The following EYS variants were observed in gnomAD, a reference collection of about 807,000 sequenced individuals.
The protein encoded by EYS is EGF-like photoreceptor maintenance factor.
A neutral mutation model predicts 282.1 loss-of-function variants in EYS; 250 were observed. The ratio of observed to expected loss-of-function variants is 0.89; its 90% CI spans 0.80 to 0.98. The LOEUF is 0.98. EYS is among the 50% of genes least tolerant of loss of function. EYS has a pLI of 0.00. For missense variants in EYS, 4,016 were observed against 3,709.0 expected (o/e 1.08, Z -2.15); for synonymous variants, 1,355 against 1,282.9 (o/e 1.06, Z -1.20).
intron 31 of EYS, among the ~76,000 whole-genome samples, chr6:64,180,449 G>C (rs114617896): frequency 1.3e-5 from 2 of 151,928 alleles, no homozygotes; most frequent in Non-Finnish European, 2.9e-5. Context: ...TTTTATTTAG[G>C]CTTGTGGATG....
chr6:65,597,140 T>C (rs2149787818), intron 2 of EYS, among the ~76,000 whole-genome samples: 1 of 152,260 alleles, frequency 6.6e-6, no homozygotes, highest in African/African-American at 2.4e-5. Context: ...TTAAAAATGA[T>C]TCCTGCTCAA....
intron 24 of EYS, among the ~76,000 whole-genome samples, chr6:64,605,395 G>A (rs1282031323): frequency 6.6e-6 from 1 of 151,826 alleles, no homozygotes; most frequent in African/African-American, 2.4e-5. Context: ...TTAAATTTAA[G>A]TACTTTGTAT....
At chr6:64,440,447 A>G (rs1774901490) in intron 26 of EYS, among the ~76,000 whole-genome samples, 1 of 151,998 alleles carries the variant, frequency 6.6e-6, no homozygotes, top group African/African-American at 2.4e-5. Context: ...CACTTTATAG[A>G]CATAAAAGCA....
At chr6:64,717,642 C>T (rs114079038) in intron 22 of EYS, among the ~76,000 whole-genome samples, 2,874 of 152,204 alleles carry the variant, frequency 0.019, 108 homozygotes, top group African/African-American at 0.065. Flanking sequence ...AACTGGCACC[C>T]CTAGTTTAAG....
intron 36 of EYS, among the ~76,000 whole-genome samples, chr6:63,819,616 C>T (rs570267474): frequency 4.6e-5 from 7 of 152,252 alleles, no homozygotes; most frequent in East Asian, 1.9e-4. Context: ...CTTTAATATA[C>T]GATATTTCTA....
chr6:64,513,618 G>A (rs1189856983), intron 26 of EYS, among the ~76,000 whole-genome samples: 15 of 151,804 alleles, frequency 9.9e-5, no homozygotes. Context: ...GCCAAGGCAA[G>A]AAAGAACGAC....
At chr6:65,527,392 A>G (rs1210376562) in intron 2 of EYS, among the ~76,000 whole-genome samples, 1 of 152,220 alleles carries the variant, frequency 6.6e-6, no homozygotes, top group African/African-American at 2.4e-5. Context: ...TCTTCATTAT[A>G]GGCCCACACA....
chr6:64,752,251 CA>C (rs1179318012), intron 22 of EYS, among the ~76,000 whole-genome samples: 1 of 151,788 alleles, frequency 6.6e-6, no homozygotes, highest in Non-Finnish European at 1.5e-5. Flanking sequence ...ACAAATAAAT[CA>C]GAAAGAGAAT....
In EYS at chr6:63,762,502, C is replaced by T; in HGVS notation, c.8030G>A (p.Cys2677Tyr). 6.5e-7 allele frequency: 1 copy of T among 1,550,124 alleles called. No individual in the cohort carries two copies. Among genetic ancestry groups the T allele is most frequent in the East Asian group, 2.4e-5 (1 of 40,890 alleles). Residue 2677 changes from cysteine to tyrosine, a missense_variant, in exon 41 of 43, where the codon TGT (cysteine) becomes TAT (tyrosine). Coordinates refer to ENST00000503581, the MANE Select transcript of EYS (RefSeq NM_001142800.2). ...TCISLPHGYTCFCPLGTTGIY... is the reference protein window; with the variant it reads ...TCISLPHGYTYFCPLGTTGIY... ...TCCAGTGGTTCCTAGAGGACAGAAA[C>T]AGGTGTATCCATGAGGTAATGAAAT...
chr6:65,595,416 T>A (rs1371277260), intron 2 of EYS, among the ~76,000 whole-genome samples: 1 of 151,640 alleles, frequency 6.6e-6, no homozygotes, highest in Non-Finnish European at 1.5e-5. Flanking sequence ...CATGTATACA[T>A]ATGTAACAAA....
intron 30 of EYS, among the ~76,000 whole-genome samples, chr6:64,265,543 T>G (rs928137915): frequency 1.3e-5 from 2 of 152,166 alleles, no homozygotes; most frequent in African/African-American, 4.8e-5. Flanking sequence ...TATGTTGTGG[T>G]CTCATCATCT....
At chr6:64,820,294 G>T (rs900938601) in intron 21 of EYS, among the ~76,000 whole-genome samples, 1 of 152,052 alleles carries the variant, frequency 6.6e-6, no homozygotes, top group South Asian at 2.1e-4. Flanking sequence ...TTTAAGAATT[G>T]CTCTCATAAT....
intron 30 of EYS, among the ~76,000 whole-genome samples, chr6:64,289,623 G>A (rs943675526): frequency 4.6e-5 from 7 of 152,052 alleles, no homozygotes; most frequent in African/African-American, 1.7e-4. Flanking sequence ...CCCACTCCCT[G>A]AAAATAACTA....
chr6:64,501,111 T>C (rs1777026807), intron 26 of EYS, among the ~76,000 whole-genome samples: 1 of 150,890 alleles, frequency 6.6e-6, no homozygotes, highest in Non-Finnish European at 1.5e-5. Flanking sequence ...TTTTATTTAC[T>C]AATTTCATTG....
intron 22 of EYS, among the ~76,000 whole-genome samples, chr6:64,664,387 C>T (rs1158524011): frequency 6.6e-6 from 1 of 152,048 alleles, no homozygotes; most frequent in African/African-American, 2.4e-5. Flanking sequence ...TTACAAGCTC[C>T]GTGTTTAAAG....
At position 65,163,515 on chromosome 6, in the gene EYS, A is replaced by G. The variant is rs1764899927; in HGVS notation, c.2024-105788T>C. Among the ~76,000 whole-genome samples, 4 of 151,346 alleles carry G rather than the reference A, an allele frequency of 2.6e-5. No homozygotes were observed. In the South Asian group the frequency reaches 8.3e-4, roughly 31 times the overall value. ...CTCTTAAAGAAGGACATTCTGGGCC[A>G]GTGTACTAGATCAATGGTGAGGGGA... On this transcript the variant is annotated intron_variant, in intron 12 of 42. Transcript: ENST00000503581.
At chr6:63,826,134 A>G (rs1258536976) in intron 36 of EYS, among the ~76,000 whole-genome samples, 1 of 152,188 alleles carries the variant, frequency 6.6e-6, no homozygotes, top group African/African-American at 2.4e-5. Context: ...TTGAACAAGT[A>G]GAAGAAAGAA....
chr6:64,598,186 C>T (rs1487050831), intron 24 of EYS, among the ~76,000 whole-genome samples: 3 of 152,282 alleles, frequency 2.0e-5, no homozygotes, highest in Non-Finnish European at 4.4e-5. Context: ...AGGGGCCAGG[C>T]GTGGTGGCTC....
At chr6:64,066,081 G>C (rs996807557) in intron 33 of EYS, among the ~76,000 whole-genome samples, 13 of 152,186 alleles carry the variant, frequency 8.5e-5, no homozygotes, top group African/African-American at 2.6e-4. Context: ...GGCCGGCATG[G>C]TGAAACCCCA....
Sources: gnomAD v4.1 joint callset for allele counts (sites outside exome capture counted in the v4.1 genomes callset) on GRCh38, gnomAD v4.1.1 for gene constraint, MANE v1.5 for transcripts, NCBI Gene and HGNC (gene_info 2026-07-23, HGNC 2026-07-21) for gene names.